The following PRKD3 variants were observed in gnomAD, a reference collection of about 807,000 sequenced individuals.
The protein encoded by PRKD3 is serine/threonine-protein kinase D3.
A neutral mutation model predicts 99.2 loss-of-function variants in PRKD3; 47 were observed. The observed-to-expected ratio is 0.47, with a 90% CI of 0.38 to 0.60. PRKD3 has a LOEUF of 0.60. Among genes scored for constraint, PRKD3 ranks in the 20% least tolerant of loss-of-function variants. PRKD3 has a pLI of 0.00. For missense variants in PRKD3, 1,019 were observed against 1,088.4 expected (o/e 0.94, Z 0.90); for synonymous variants, 392 against 355.4 (o/e 1.10, Z -1.16).
chr2:37,256,046 GTTT>G (rs531648338), intron 17 of PRKD3, among the ~76,000 whole-genome samples: 1 of 152,112 alleles, frequency 6.6e-6, no homozygotes, highest in Non-Finnish European at 1.5e-5. Flanking sequence ...AAGCCCAAAT[GTTT>G]TTTAGCCTAA....
At chr2:37,271,162 T>C (rs1669235467) in intron 12 of PRKD3, among the ~76,000 whole-genome samples, 1 of 152,074 alleles carries the variant, frequency 6.6e-6, no homozygotes, top group Admixed American at 6.5e-5. Context: ...AGTAGAAAAA[T>C]AGAGATTTTA....
At position 37,321,612 on chromosome 2, in the gene PRKD3, T is replaced by C. The variant is rs148217976; in HGVS notation, c.-656+3069A>G. 5.7e-3 allele frequency among the ~76,000 whole-genome samples: 864 copies of C among 152,342 alleles called. 2 individuals carry two copies. Among genetic ancestry groups the C allele is most frequent in the Admixed American group, 0.012 (189 of 15,310 alleles). On this transcript the variant is annotated intron_variant, in intron 1 of 18. Transcript: ENST00000234179. ...ACTGTTATGAGAGACACTGGAGTTA[T>C]AGAGCAGTGACCGAAACAGACATGG...
chr2:37,319,583 G>C (rs1022180053), intron 1 of PRKD3, among the ~76,000 whole-genome samples: 3 of 152,060 alleles, frequency 2.0e-5, no homozygotes, highest in African/African-American at 7.2e-5. Flanking sequence ...ATTTATCAAC[G>C]AAAAAGATTA....
chr2:37,298,070 T>C (rs1033932451), intron 2 of PRKD3, among the ~76,000 whole-genome samples: 13 of 152,342 alleles, frequency 8.5e-5, no homozygotes, highest in African/African-American at 2.2e-4. Context: ...AACATTTATA[T>C]ATATCAATAT....
In PRKD3 at chr2:37,250,992, G is replaced by A. The variant is rs1352079805; in HGVS notation, c.*2185C>T. The A allele has an allele frequency of 3.3e-5, 5 of 152,562 alleles. No homozygotes were observed. The highest frequency in any genetic ancestry group is 9.7e-5 in the African/African-American group (4 of 41,410). The allele number at this position is 152,562 out of a possible 1,614,324, so 9.5% of individuals were successfully genotyped here. On this transcript the variant is annotated 3_prime_UTR_variant, in exon 19 of 19. Coordinates refer to ENST00000234179, the MANE Select transcript of PRKD3 (RefSeq NM_005813.6). The stretch of plus-strand genomic sequence containing the variant: ...GCATTTAACAACAAATACAAAGAGT[G>A]CAATTAATTTCATGGCTTGTAAAGT...
At chr2:37,284,371 T>A (rs17020446) in intron 6 of PRKD3, among the ~76,000 whole-genome samples, 1,931 of 152,336 alleles carry the variant, frequency 0.013, 16 homozygotes, top group Middle Eastern at 0.027. Context: ...AAAAGTTGAA[T>A]AATCCAGTAG....
chr2:37,273,326 C>T (rs1477682530), intron 11 of PRKD3, among the ~76,000 whole-genome samples: 2 of 152,140 alleles, frequency 1.3e-5, no homozygotes, highest in Non-Finnish European at 2.9e-5. Flanking sequence ...CATCCATCTA[C>T]TTACACCCAT....
chr2:37,318,512 A>T (rs1671753928), intron 1 of PRKD3, among the ~76,000 whole-genome samples: 1 of 152,218 alleles, frequency 6.6e-6, no homozygotes, highest in African/African-American at 2.4e-5. Context: ...CTCCACAAGA[A>T]CACACTATTT....
chr2:37,255,363 A>T (rs2148476281), intron 17 of PRKD3, among the ~76,000 whole-genome samples: 1 of 152,336 alleles, frequency 6.6e-6, no homozygotes, highest in South Asian at 2.1e-4. Context: ...AGATGGGGGT[A>T]TTCCCCAGCA....
At chr2:37,312,411 G>C (rs1671467468) in intron 2 of PRKD3, among the ~76,000 whole-genome samples, 1 of 152,302 alleles carries the variant, frequency 6.6e-6, no homozygotes, top group Middle Eastern at 3.4e-3. Flanking sequence ...TTCAAATGTG[G>C]TCATGGCACA....
intron 6 of PRKD3, 104 bp downstream of exon 6, chr2:37,286,073 G>C: frequency 1.0e-6 from 1 of 988,298 alleles, no homozygotes; most frequent in South Asian, 2.1e-5. Context: ...ACAATTATGA[G>C]AATAATTTCT....
At chr2:37,254,674 T>C (rs188844792) in intron 17 of PRKD3, among the ~76,000 whole-genome samples, 5 of 152,296 alleles carry the variant, frequency 3.3e-5, no homozygotes, top group East Asian at 1.9e-4. Context: ...GCTTAGCACA[T>C]AAGTGCTAAG....
chr2:37,259,526 G>C (rs1302788004), intron 16 of PRKD3, 57 bp downstream of exon 16: 2 of 1,349,696 alleles, frequency 1.5e-6, no homozygotes, highest in Non-Finnish European at 2.1e-6. Context: ...CTTTTATTAT[G>C]TGGGTGCTTT....
rs891111485 is a variant in PRKD3 at position 37,251,355 on chromosome 2, G to T, written c.*1822C>A. 1 of 152,492 alleles carries T rather than the reference G, an allele frequency of 6.6e-6. No homozygotes were observed. Among genetic ancestry groups the T allele is most frequent in the African/African-American group, 2.4e-5 (1 of 41,414 alleles). The allele number at this position is 152,492 out of a possible 1,614,324, so 9.4% of individuals were successfully genotyped here. A position where few individuals can be genotyped will look rare whatever the true frequency, so the allele number is the denominator to read the frequency against. On this transcript the variant is annotated 3_prime_UTR_variant, in exon 19 of 19. Transcript: ENST00000234179. Reference sequence around the variant, plus strand: ...GGGTAAGATTAGAGCCATACTACTGGTCTCAAATACTACTAACTGTTTGAA... The same window carrying T: ...GGGTAAGATTAGAGCCATACTACTGTTCTCAAATACTACTAACTGTTTGAA...
intron 2 of PRKD3, among the ~76,000 whole-genome samples, chr2:37,311,736 G>C (rs1248997550): frequency 6.6e-6 from 1 of 152,146 alleles, no homozygotes; most frequent in Admixed American, 6.6e-5. Flanking sequence ...TTGAAAAAAT[G>C]TATCTTCAGA....
At position 37,301,634 on chromosome 2, in the gene PRKD3, G is replaced by C. The variant is rs79790576; in HGVS notation, c.289-8363C>G. Among the ~76,000 whole-genome samples, 8 of 152,228 alleles carry C rather than the reference G, an allele frequency of 5.3e-5. No homozygotes were observed. In the East Asian group the frequency reaches 1.3e-3, roughly 26 times the overall value. On this transcript the variant is annotated intron_variant, in intron 2 of 18. Coordinates refer to ENST00000234179, the MANE Select transcript of PRKD3 (RefSeq NM_005813.6). The stretch of plus-strand genomic sequence containing the variant: ...TTTGTGACTCTGCTATGCTCACAGA[G>C]TCAAAAGGGGCGGGGGCAGAAACCT...
At chr2:37,280,054 CTT>C (rs72038621) in intron 7 of PRKD3, 125 bp from the exon 8 acceptor site, 11,295 of 451,170 alleles carry the variant, frequency 0.025, no homozygotes, top group East Asian at 0.041. Context: ...AAGTATTTCT[CTT>C]TTTTTTTTTT....
intron 9 of PRKD3, 95 bp from the exon 10 acceptor site, chr2:37,275,939 G>A (rs1195576485): frequency 7.1e-7 from 1 of 1,412,942 alleles, no homozygotes; most frequent in Non-Finnish European, 9.3e-7. Context: ...TCATAAATTT[G>A]TATTTTTGAA....
intron 2 of PRKD3, among the ~76,000 whole-genome samples, chr2:37,312,838 G>A (rs1050573569): frequency 1.3e-5 from 2 of 152,144 alleles, no homozygotes; most frequent in East Asian, 1.9e-4. Context: ...GAGGCTTGCA[G>A]GAACCTATCC....
Sources: allele counts gnomAD v4.1 joint callset (sites outside exome capture counted in the v4.1 genomes callset), GRCh38; gene constraint gnomAD v4.1.1; transcripts MANE v1.5; gene names NCBI Gene and HGNC (gene_info 2026-07-23, HGNC 2026-07-21).